Variants in MAS1 observed in about 807,000 individuals in gnomAD.
The protein encoded by MAS1 is proto-oncogene Mas.
For synonymous variants in MAS1, 163 were observed against 164.2 expected (o/e 0.99, Z 0.05); for missense variants, 387 against 409.7 (o/e 0.94, Z 0.48).
At chr6:159,894,837 G>C (rs914671437) in intron 1 of MAS1, among the ~76,000 whole-genome samples, 10 of 152,220 alleles carry the variant, frequency 6.6e-5, no homozygotes, top group Non-Finnish European at 1.3e-4. Flanking sequence ...TGATAATAGT[G>C]ATAGCTAGGA....
chr6:159,896,858 T>TTTTG (rs71812549), intron 1 of MAS1, among the ~76,000 whole-genome samples: 2,060 of 151,006 alleles, frequency 0.014, 33 homozygotes, highest in African/African-American at 0.037. Context: ...GACTGGGTTT[T>TTTTG]TTTGTTTGTT....
rs1782891923 is a variant in MAS1 at position 159,906,808 on chromosome 6, C to T, written c.-36-112C>T. 9 of 875,524 alleles carry T rather than the reference C, an allele frequency of 1.0e-5. No individual in the cohort carries two copies. In the East Asian group the frequency reaches 2.4e-4, roughly 23 times the overall value. 54.2% of individuals were successfully genotyped at this position (875,524 alleles called of 1,614,324 possible). A position where few individuals can be genotyped will look rare whatever the true frequency, so the allele number is the denominator to read the frequency against. ...AAAGATAACTGTAGAGTCTGTTAAA[C>T]TTTTTTTTAATAACATGAAGATTAT... On this transcript the variant is annotated intron_variant, in intron 2 of 2. Transcript: ENST00000674077.
chr6:159,902,066 G>A (rs2115114418), intron 2 of MAS1: 1 of 152,228 alleles, frequency 6.6e-6, no homozygotes, highest in Non-Finnish European at 1.5e-5. Flanking sequence ...GGATGAGCAA[G>A]CAGGGTGACA....
rs1219116746 is a variant in MAS1 at position 159,915,705 on chromosome 6, G to A, written c.*7772G>A. ...TGGAGTTCCACCCAAAGCAGATCCTGAGACAAGGATTTAGTGCAAGTAATT... is the reference window on the plus strand; with the variant it reads ...TGGAGTTCCACCCAAAGCAGATCCTAAGACAAGGATTTAGTGCAAGTAATT... On this transcript the variant is annotated 3_prime_UTR_variant, in exon 3 of 3. Transcript: ENST00000674077. 2.6e-5 allele frequency: 4 copies of A among 152,252 alleles called. No individual in the cohort carries two copies. Among genetic ancestry groups the A allele is most frequent in the Non-Finnish European group, 5.9e-5 (4 of 68,058 alleles). The allele number at this position is 152,252 out of a possible 1,614,324, so 9.4% of individuals were successfully genotyped here. A position where few individuals can be genotyped will look rare whatever the true frequency, so the allele number is the denominator to read the frequency against.
chr6:159,898,363 A>C (rs567697050), intron 1 of MAS1, among the ~76,000 whole-genome samples: 12 of 152,226 alleles, frequency 7.9e-5, no homozygotes, highest in Admixed American at 7.9e-4. Flanking sequence ...CTCCGGGCTA[A>C]GATCAGGCAC....
chr6:159,899,835 C>T (rs181625408), intron 2 of MAS1, among the ~76,000 whole-genome samples: 2 of 152,244 alleles, frequency 1.3e-5, no homozygotes, highest in Non-Finnish European at 2.9e-5. Context: ...ATCACGAGGT[C>T]AGGAGTTCAT....
At position 159,911,351 on chromosome 6, in the gene MAS1, T is replaced by C. The variant is rs1782962480; in HGVS notation, c.*3418T>C. ...TCCTTTTTTTTTTTTTTTTTTTTTT[T>C]TGAGACAGAGTCTTGCTCTGTTGCC... On this transcript the variant is annotated 3_prime_UTR_variant, in exon 3 of 3. Transcript: ENST00000674077. 6.8e-6 allele frequency: 1 copy of C among 146,964 alleles called. No individual in the cohort carries two copies. Among genetic ancestry groups the C allele is most frequent in the South Asian group, 2.2e-4 (1 of 4,466 alleles). 9.1% of individuals were successfully genotyped at this position (146,964 alleles called of 1,614,324 possible).
At position 159,907,971 on chromosome 6, in the gene MAS1, A is replaced by T; in HGVS notation, c.*38A>T. The T allele has an allele frequency of 6.5e-7, 1 of 1,545,004 alleles. No individual in the cohort carries two copies. Among genetic ancestry groups the T allele is most frequent in the South Asian group, 1.3e-5 (1 of 78,964 alleles). ...AAGTTGTGGATAAAAATGGTGGAAC[A>T]CAGGTCATTTTTAGTTTGTGCTTGG... is the stretch of plus-strand genomic sequence containing the variant. On this transcript the variant is annotated 3_prime_UTR_variant, in exon 3 of 3. Transcript: ENST00000674077.
chr6:159,889,500 T>C (rs938086602), upstream of MAS1, among the ~76,000 whole-genome samples: 14 of 152,210 alleles, frequency 9.2e-5, no homozygotes, highest in Non-Finnish European at 1.8e-4. Flanking sequence ...CCTGCTGGGA[T>C]TGGAAGCTTC....
Position 159,894,596 on chromosome 6 carries a change from G to A in MAS1, c.-244+3463G>A, listed in dbSNP as rs981351427. ...TCTCGGAGACAAGAGGCGAGGAGAC[G>A]TGAAGTGGGGTTCCATAGCAACATT... On this transcript the variant is annotated intron_variant, in intron 1 of 2. Transcript: ENST00000674077. Among the ~76,000 whole-genome samples the A allele has an allele frequency of 7.2e-5, 11 of 152,258 alleles. No homozygotes were observed. The East Asian group carries it at 1.2e-3, about 16-fold the overall frequency.
Position 159,913,422 on chromosome 6 carries a change from A to G in MAS1, c.*5489A>G, listed in dbSNP as rs1397084854. ...CTTTTGTGGCTTAAAAGAACAATGT[A>G]TTGTCATTTCTCAAGGCTCCATGGG... is the stretch of plus-strand genomic sequence containing the variant. On this transcript the variant is annotated 3_prime_UTR_variant, in exon 3 of 3. Coordinates refer to ENST00000674077, the MANE Select transcript of MAS1 (RefSeq NM_002377.4). 1 of 152,208 alleles carries G rather than the reference A, an allele frequency of 6.6e-6. No individual in the cohort carries two copies. The highest frequency in any genetic ancestry group is 2.4e-5 in the African/African-American group (1 of 41,446). The allele number at this position is 152,208 out of a possible 1,614,324, so 9.4% of individuals were successfully genotyped here.
intron 1 of MAS1, among the ~76,000 whole-genome samples, chr6:159,897,246 G>A (rs1782765242): frequency 6.6e-6 from 1 of 152,140 alleles, no homozygotes; most frequent in African/African-American, 2.4e-5. Flanking sequence ...GATTGGTCAG[G>A]TTGGAGGATG....
upstream of MAS1, among the ~76,000 whole-genome samples, chr6:159,889,040 C>T (rs181929499): frequency 7.0e-4 from 107 of 152,284 alleles, no homozygotes; most frequent in African/African-American, 2.4e-3. Flanking sequence ...TGGGGCCTTC[C>T]GCCACCCACT....
chr6:159,900,663 G>C (rs1051291993), intron 2 of MAS1, among the ~76,000 whole-genome samples: 8 of 152,168 alleles, frequency 5.3e-5, no homozygotes, highest in African/African-American at 1.9e-4. Context: ...CCTGAGTACT[G>C]TATGTGCTTC....
chr6:159,899,732 C>T (rs968319326), intron 2 of MAS1, among the ~76,000 whole-genome samples: 1 of 152,112 alleles, frequency 6.6e-6, no homozygotes, highest in African/African-American at 2.4e-5. Flanking sequence ...GAGCAAGACA[C>T]TGTTTCAAAA....
chr6:159,891,973 C>A (rs752650920), intron 1 of MAS1, among the ~76,000 whole-genome samples: 1 of 152,132 alleles, frequency 6.6e-6, no homozygotes, highest in Non-Finnish European at 1.5e-5. Context: ...TGGCCTCTAC[C>A]AACTAGATAC....
chr6:159,916,908 A>T lies in MAS1; in HGVS notation c.*8975A>T, dbSNP rs971923288. On this transcript the variant is annotated 3_prime_UTR_variant, in exon 3 of 3. Transcript: ENST00000674077. ...CGGCACGCCAACAAATTCATTATGG[A>T]CACTAAAAATTGAATTTCATGTAAT... 4.6e-5 allele frequency among the ~76,000 whole-genome samples: 7 copies of T among 152,264 alleles called. No homozygotes were observed. Among genetic ancestry groups the T allele is most frequent in the Non-Finnish European group, 1.0e-4 (7 of 68,050 alleles).
chr6:159,905,616 G>A (rs1782876123), intron 2 of MAS1, among the ~76,000 whole-genome samples: 1 of 152,190 alleles, frequency 6.6e-6, no homozygotes, highest in Admixed American at 6.5e-5. Context: ...CACATGCTGG[G>A]GCTCTGCTGA....
In MAS1 at chr6:159,909,816, G is replaced by A. The variant is rs1782945065; in HGVS notation, c.*1883G>A. The A allele has an allele frequency of 6.6e-6, 1 of 152,136 alleles. No individual in the cohort carries two copies. The highest frequency in any genetic ancestry group is 6.5e-5 in the Admixed American group (1 of 15,282). 9.4% of individuals were successfully genotyped at this position (152,136 alleles called of 1,614,324 possible). A position where few individuals can be genotyped will look rare whatever the true frequency, so the allele number is the denominator to read the frequency against. On this transcript the variant is annotated 3_prime_UTR_variant, in exon 3 of 3. Transcript: ENST00000674077. ...AATTTCTACCTAAGGAAAATATGGTGAACTAATAGGAAGCCCCTATTTATT... is the reference window on the plus strand; with the variant it reads ...AATTTCTACCTAAGGAAAATATGGTAAACTAATAGGAAGCCCCTATTTATT...
Sources: gnomAD v4.1 joint callset for allele counts (sites outside exome capture counted in the v4.1 genomes callset) on GRCh38, gnomAD v4.1.1 for gene constraint, MANE v1.5 for transcripts, NCBI Gene and HGNC (gene_info 2026-07-23, HGNC 2026-07-21) for gene names.